AMDHD2: variants seen among roughly 807,000 people sequenced by gnomAD.
AMDHD2 encodes amidohydrolase domain containing 2.
AMDHD2 carries 24 observed loss-of-function variants against 41.8 expected under a neutral mutation model. The observed-to-expected ratio is 0.57, with a 90% CI of 0.42 to 0.81. AMDHD2 has a LOEUF of 0.81. Among genes scored for constraint, AMDHD2 ranks in the 30% least tolerant of loss-of-function variants. The pLI is 0.00. For missense variants in AMDHD2, 540 were observed against 588.5 expected (o/e 0.92, Z 0.85); for synonymous variants, 332 against 255.5 (o/e 1.30, Z -2.85).
In AMDHD2 at chr16:2,524,732, A is replaced by G. The variant is rs1269122379; in HGVS notation, c.361-2829A>G. On this transcript the variant is annotated intron_variant, in intron 3 of 10. Coordinates refer to ENST00000293971, the MANE Select transcript of AMDHD2 (RefSeq NM_001330449.2). Reference sequence around the variant, plus strand: ...TCTTGGAATTTGCGCCCGTAGCTCTAAAAACTGTGCTGGCTGCTTCTCAGT... The same window carrying G: ...TCTTGGAATTTGCGCCCGTAGCTCTGAAAACTGTGCTGGCTGCTTCTCAGT... Among the ~76,000 whole-genome samples the G allele has an allele frequency of 2.0e-5, 3 of 152,112 alleles. No individual in the cohort carries two copies. In the East Asian group the frequency reaches 5.8e-4, roughly 29 times the overall value.
chr16:2,521,063 GCA>G lies in AMDHD2; in HGVS notation c.302_303del (p.His101ArgfsTer92). Reference protein sequence around the residue: ...VALVARRILSHGVTSFCPTLV... With the variant: ...VALVARRILSXGVTSFCPTLV... ...CCCTCGTGGCCCGGAGGATCCTGTC[GCA>G]CGGCGTCACCTCCTTCTGCCCCACC... On this transcript the variant is annotated frameshift_variant, in exon 3 of 11. Coordinates refer to ENST00000293971, the MANE Select transcript of AMDHD2 (RefSeq NM_001330449.2). LOFTEE classifies it high-confidence loss of function. 1 of 1,610,926 alleles carries G rather than the reference GCA, an allele frequency of 6.2e-7. No homozygotes were observed. The highest frequency in any genetic ancestry group is 1.1e-5 in the South Asian group (1 of 90,478).
rs76722821 is a variant in AMDHD2, at chr16:2,530,754, G to A, written c.*1191G>A. On this transcript the variant is annotated 3_prime_UTR_variant, in exon 11 of 11. Transcript: ENST00000293971. The stretch of plus-strand genomic sequence containing the variant: ...GAACCACCTGCCTGGGCAGGGCCTC[G>A]CCTGAGGGAGGGCCTGGGGCAGGGC... The A allele has an allele frequency of 1.4e-5, 22 of 1,613,422 alleles. No individual in the cohort carries two copies. The highest frequency in any genetic ancestry group is 1.2e-4 in the African/African-American group (9 of 74,922).
In AMDHD2 at chr16:2,527,913, C is replaced by T. The variant is rs376877052; in HGVS notation, c.556C>T (p.Leu186=). The part of the protein sequence containing the change: ...GPLDNVRIVT[L]APELGRSHEV... ...CCTGGACAATGTCCGCATCGTGACG[C>T]TGGCCCCAGAGTTGGGCCGTAGCCA... The change falls in exon 5 of 11, where the codon CTG becomes TTG. Residue 186 remains leucine (L), a synonymous_variant. Transcript: ENST00000293971. The surrounding 1 kb of genome is among the most constrained non-coding windows in gnomAD (Gnocchi z 6.1). 1,548 of 1,596,964 alleles carry T rather than the reference C, an allele frequency of 9.7e-4. 2 individuals are homozygous for T. The highest frequency in any genetic ancestry group is 1.2e-3 in the Non-Finnish European group (1,459 of 1,178,552).
intron 10 of AMDHD2, 115 bp downstream of exon 10, chr16:2,529,210 C>A (rs1173035670): frequency 3.5e-6 from 4 of 1,142,612 alleles, no homozygotes; most frequent in African/African-American, 3.1e-5. Context: ...TCCCTCCTCT[C>A]AGGTGGGCTG....
chr16:2,528,158 A>T lies in AMDHD2; in HGVS notation c.717+10A>T. On this transcript the variant is annotated intron_variant, in intron 6 of 10. Coordinates refer to ENST00000293971, the MANE Select transcript of AMDHD2 (RefSeq NM_001330449.2). ...CAACGCCATGCTGCCTGTGAGTGCT[A>T]TGGGGCCCCAGGGGCGGGGCTGGGG... The T allele has an allele frequency of 1.2e-6, 2 of 1,612,766 alleles. No homozygotes were observed. The highest frequency in any genetic ancestry group is 1.7e-6 in the Non-Finnish European group (2 of 1,179,802).
chr16:2,520,936 GGGA>G, intron 2 of AMDHD2, 31 bp downstream of exon 2: 1 of 1,597,360 alleles, frequency 6.3e-7, no homozygotes, highest in Non-Finnish European at 8.6e-7. Flanking sequence ...GGGAACCCAG[GGGA>G]GGAGCTCTGA....
chr16:2,525,779 C>T (rs2065996305), intron 3 of AMDHD2, among the ~76,000 whole-genome samples: 2 of 152,072 alleles, frequency 1.3e-5, no homozygotes, highest in African/African-American at 2.4e-5. Flanking sequence ...CTCCTGACCT[C>T]GTGATCCGCC....
chr16:2,527,834 C>G lies in AMDHD2; in HGVS notation c.477C>G (p.His159Gln). The change falls in exon 5 of 11, where the codon CAC becomes CAG. Residue 159 changes from histidine (H) to glutamine (Q), a missense_variant. By Grantham distance (24) the His-to-Gln change is conservative (BLOSUM62 0). Coordinates refer to ENST00000293971, the MANE Select transcript of AMDHD2 (RefSeq NM_001330449.2). This position sits in a 1 kb window ranked among gnomAD's most constrained non-coding sequence, Gnocchi z 6.1. ...REKRGAHPEA[H>Q]LRSFEADAFQ... ...AGCGGGGCGCGCACCCCGAGGCCCA[C>G]CTCCGCTCCTTCGAGGCCGATGCCT... is the stretch of plus-strand genomic sequence containing the variant. The G allele has an allele frequency of 6.3e-7, 1 of 1,596,588 alleles. No homozygotes were observed. Among genetic ancestry groups the G allele is most frequent in the Non-Finnish European group, 8.5e-7 (1 of 1,178,290 alleles).
intron 9 of AMDHD2, 122 bp from the exon 10 acceptor site, chr16:2,528,872 C>T: frequency 3.4e-6 from 5 of 1,475,662 alleles, no homozygotes. Context: ...GACAGGCAGA[C>T]CAGCAGGGTC....
Position 2,520,386 on chromosome 16 carries a change from TGG to T in AMDHD2, c.-70_-69del. 1 of 1,166,878 alleles carries T rather than the reference TGG, an allele frequency of 8.6e-7. No individual in the cohort carries two copies. Among genetic ancestry groups the T allele is most frequent in the Non-Finnish European group, 1.1e-6 (1 of 932,956 alleles). The allele number at this position is 1,166,878 out of a possible 1,614,324, so 72.3% of individuals were successfully genotyped here. A position where few individuals can be genotyped will look rare whatever the true frequency, so the allele number is the denominator to read the frequency against. ...CGTGGGCGCGGTCTCAGCTCTCGGC[TGG>T]GGTTCGTCACTGGGCGCGGGATTTG... On this transcript the variant is annotated 5_prime_UTR_variant, in exon 1 of 11. Transcript: ENST00000293971.
At chr16:2,522,734 C>T (rs1021509270) in intron 3 of AMDHD2, among the ~76,000 whole-genome samples, 2 of 151,966 alleles carry the variant, frequency 1.3e-5, no homozygotes, top group African/African-American at 4.8e-5. Context: ...AGGCTGGTCT[C>T]AAACTCCTAG....
chr16:2,528,481 G>A lies in AMDHD2; in HGVS notation c.892G>A (p.Ala298Thr). Residue 298 changes from alanine (A) to threonine (T), a missense_variant, in exon 8 of 11, where the codon GCC becomes ACC. Coordinates refer to ENST00000293971, the MANE Select transcript of AMDHD2 (RefSeq NM_001330449.2). ...GLVLVTDAIP[A>T]LGLGNGRHTL... ...GGTGCTGGTCACCGATGCCATCCCT[G>A]CCTTGGGCCTGGGCAACGGCCGGCA... is the stretch of plus-strand genomic sequence containing the variant. 6.2e-7 allele frequency: 1 copy of A among 1,612,842 alleles called. No individual in the cohort carries two copies. Among genetic ancestry groups the A allele is most frequent in the East Asian group, 2.2e-5 (1 of 44,884 alleles).
At chr16:2,526,211 C>T (rs1037092657) in intron 3 of AMDHD2, among the ~76,000 whole-genome samples, 3 of 152,110 alleles carry the variant, frequency 2.0e-5, no homozygotes, top group Admixed American at 1.3e-4. Context: ...CAGCTGGGGG[C>T]ACCCAGCCTG....
rs745860964 is a variant in AMDHD2 at position 2,520,908 on chromosome 16, G to T, written c.220+3G>T. 1.2e-6 allele frequency: 2 copies of T among 1,602,946 alleles called. No homozygotes were observed. Among genetic ancestry groups the T allele is most frequent in the Non-Finnish European group, 1.7e-6 (2 of 1,172,530 alleles). Reference sequence around the variant, plus strand: ...ATTCATCGACGTGCAGATCAACGGTGCGGCCCGGGGCCGGCAGGGGAACCC... The same window carrying T: ...ATTCATCGACGTGCAGATCAACGGTTCGGCCCGGGGCCGGCAGGGGAACCC... On this transcript the variant is annotated splice_donor_region_variant and intron_variant, in intron 2 of 10. Coordinates refer to ENST00000293971, the MANE Select transcript of AMDHD2 (RefSeq NM_001330449.2).
rs757120986 is a variant in AMDHD2, at chr16:2,529,900, T to C, written c.*337T>C. 3.7e-4 allele frequency: 405 copies of C among 1,103,034 alleles called. 1 individual carries two copies. The highest frequency in any genetic ancestry group is 2.2e-3 in the Admixed American group (74 of 33,100). The allele number at this position is 1,103,034 out of a possible 1,614,324, so 68.3% of individuals were successfully genotyped here. A position where few individuals can be genotyped will look rare whatever the true frequency, so the allele number is the denominator to read the frequency against. The stretch of plus-strand genomic sequence containing the variant: ...GTCTGCATGAAGTGGACCGGAGACC[T>C]GCAGACCCCAGGAAAGTGTCACTAT... On this transcript the variant is annotated 3_prime_UTR_variant, in exon 11 of 11. Coordinates refer to ENST00000293971, the MANE Select transcript of AMDHD2 (RefSeq NM_001330449.2).
Position 2,530,499 on chromosome 16 carries a change from T to G in AMDHD2, c.*936T>G. On this transcript the variant is annotated 3_prime_UTR_variant, in exon 11 of 11. Coordinates refer to ENST00000293971, the MANE Select transcript of AMDHD2 (RefSeq NM_001330449.2). ...AGTGGGGTCAGACGTCAGGGATTGGTGCAGCCCCACGTCAGGGGTGATTGT... is the reference window on the plus strand; with the variant it reads ...AGTGGGGTCAGACGTCAGGGATTGGGGCAGCCCCACGTCAGGGGTGATTGT... The G allele has an allele frequency of 3.1e-6, 5 of 1,614,114 alleles. No homozygotes were observed. Among genetic ancestry groups the G allele is most frequent in the Middle Eastern group, 1.6e-4 (1 of 6,062 alleles).
At chr16:2,528,912 C>T (rs765139731) in intron 9 of AMDHD2, 82 bp from the exon 10 acceptor site, 1 of 1,484,612 alleles carries the variant, frequency 6.7e-7, no homozygotes, top group Non-Finnish European at 9.1e-7. Context: ...GTCCCTGAGA[C>T]AGGGAGTGCT....
chr16:2,521,264 G>A, intron 3 of AMDHD2, 141 bp downstream of exon 3: 1 of 1,179,610 alleles, frequency 8.5e-7, no homozygotes, highest in Non-Finnish European at 1.1e-6. Context: ...CCGGATCTGG[G>A]CCTGGGTCCC....
intron 3 of AMDHD2, among the ~76,000 whole-genome samples, chr16:2,523,992 C>G (rs1477209426): frequency 1.3e-5 from 2 of 152,230 alleles, no homozygotes; most frequent in Admixed American, 6.5e-5. Flanking sequence ...GAGTCTCTGA[C>G]AAGTAGGACT....
Sources: gnomAD v4.1 joint callset for allele counts (sites outside exome capture counted in the v4.1 genomes callset) on GRCh38, gnomAD v4.1.1 for gene constraint, Gnocchi (gnomAD v3.1) non-coding constraint, MANE v1.5 for transcripts, NCBI Gene and HGNC (gene_info 2026-07-23, HGNC 2026-07-21) for gene names.